The following CHCHD6 variants were observed in gnomAD, a reference collection of about 807,000 sequenced individuals.
CHCHD6 encodes coiled-coil-helix-coiled-coil-helix domain containing 6, also known as MICOS complex subunit MIC25.
A neutral mutation model predicts 32.3 loss-of-function variants in CHCHD6; 28 were observed. That is an observed-to-expected ratio of 0.87 (90% CI 0.64 to 1.19). CHCHD6 has a LOEUF of 1.19. Among genes scored for constraint, CHCHD6 ranks in the 50% most tolerant of loss-of-function variants. CHCHD6 has a pLI of 0.00. For missense variants in CHCHD6, 333 were observed against 307.0 expected, an observed-to-expected ratio of 1.08 and a Z score of -0.63; for synonymous variants, 122 against 117.5, an observed-to-expected ratio of 1.04 and a Z score of -0.25.
intron 4 of CHCHD6, among the ~76,000 whole-genome samples, chr3:126,850,879 G>C (rs1941450056): frequency 6.6e-6 from 1 of 152,186 alleles, no homozygotes; most frequent in African/African-American, 2.4e-5. Flanking sequence ...ACTTTGAAAA[G>C]CCCTGTGAGA....
intron 4 of CHCHD6, among the ~76,000 whole-genome samples, chr3:126,747,467 A>G (rs1342310680): frequency 6.6e-6 from 1 of 152,230 alleles, no homozygotes; most frequent in African/African-American, 2.4e-5. Flanking sequence ...TAAGCTCTCA[A>G]CAGAAATTAT....
chr3:126,907,488 T>C (rs2078023529), intron 5 of CHCHD6, among the ~76,000 whole-genome samples: 1 of 152,236 alleles, frequency 6.6e-6, no homozygotes, highest in Non-Finnish European at 1.5e-5. Context: ...TGTTCATTTT[T>C]CACTTATTTG....
intron 4 of CHCHD6, among the ~76,000 whole-genome samples, chr3:126,739,100 T>A (rs1936179351): frequency 6.6e-6 from 1 of 152,202 alleles, no homozygotes; most frequent in African/African-American, 2.4e-5. Context: ...TGTGGAGATC[T>A]GAAAATCCTG....
rs186476823 is a variant in CHCHD6 at position 126,716,656 on chromosome 3, A to G, written c.88-10422A>G. Among the ~76,000 whole-genome samples the G allele has an allele frequency of 2.8e-3, 430 of 152,250 alleles. 2 individuals are homozygous for G. The highest frequency in any genetic ancestry group is 8.7e-3 in the African/African-American group (363 of 41,538). On this transcript the variant is annotated intron_variant, in intron 1 of 7. Transcript: ENST00000290913. ...GTGTCTCCGGTGTGCTAAGCCCTGA[A>G]GATACAGCAGGAGCATCATGGAATC...
intron 6 of CHCHD6, among the ~76,000 whole-genome samples, chr3:126,956,430 G>A (rs2078784058): frequency 6.6e-6 from 1 of 152,202 alleles, no homozygotes; most frequent in Admixed American, 6.5e-5. Flanking sequence ...CAGCTGCATG[G>A]CCTTAATTCT....
intron 4 of CHCHD6, among the ~76,000 whole-genome samples, chr3:126,787,163 T>A (rs1274306627): frequency 6.6e-6 from 1 of 152,236 alleles, no homozygotes; most frequent in Non-Finnish European, 1.5e-5. Flanking sequence ...CTGAGGGCTC[T>A]GTTCTGTTCC....
At chr3:126,870,432 C>T (rs1410744551) in intron 5 of CHCHD6, among the ~76,000 whole-genome samples, 1 of 152,154 alleles carries the variant, frequency 6.6e-6, no homozygotes, top group African/African-American at 2.4e-5. Context: ...GGTTTTTTCC[C>T]CTTAACCGTT....
chr3:126,752,968 G>T lies in CHCHD6; in HGVS notation c.411+19746G>T, dbSNP rs148744292. Among the ~76,000 whole-genome samples the T allele has an allele frequency of 9.2e-5, 14 of 152,254 alleles. No homozygotes were observed. In the East Asian group the frequency reaches 2.7e-3, roughly 29 times the overall value. Reference sequence around the variant, plus strand: ...AAGTCACATTGTTTGTCATTGCCAGGTACCCGAGGTTAAGGCCAAATTAAG... The same window carrying T: ...AAGTCACATTGTTTGTCATTGCCAGTTACCCGAGGTTAAGGCCAAATTAAG... On this transcript the variant is annotated intron_variant, in intron 4 of 7. Coordinates refer to ENST00000290913, the MANE Select transcript of CHCHD6 (RefSeq NM_032343.3).
intron 4 of CHCHD6, among the ~76,000 whole-genome samples, chr3:126,849,738 C>T (rs1576491872): frequency 6.6e-6 from 1 of 152,238 alleles, no homozygotes; most frequent in African/African-American, 2.4e-5. Context: ...TCTGCACACA[C>T]ATTTGTGTCT....
chr3:126,806,530 T>A (rs937493711), intron 4 of CHCHD6, among the ~76,000 whole-genome samples: 71 of 152,200 alleles, frequency 4.7e-4, no homozygotes, highest in African/African-American at 1.3e-3. Context: ...ATGGCAATCA[T>A]TAAAAAGTCA....
At chr3:126,717,137 GC>G (rs751010297) in intron 1 of CHCHD6, among the ~76,000 whole-genome samples, 30 of 152,232 alleles carry the variant, frequency 2.0e-4, no homozygotes, top group Admixed American at 3.3e-4. Context: ...CATGGACTGG[GC>G]AAGTTCTTTA....
intron 4 of CHCHD6, 105 bp from the exon 5 acceptor site, chr3:126,852,542 G>A (rs1395576202): frequency 4.0e-5 from 30 of 757,494 alleles, no homozygotes; most frequent in Non-Finnish European, 5.7e-5. Flanking sequence ...TATTGCTACT[G>A]TTCTCATTGT....
chr3:126,822,482 G>A (rs573834763), intron 4 of CHCHD6, among the ~76,000 whole-genome samples: 15 of 152,234 alleles, frequency 9.9e-5, no homozygotes, highest in African/African-American at 3.6e-4. Context: ...TTTATAGTAA[G>A]GCTTGAAATC....
rs190369724 is a variant in CHCHD6, at chr3:126,858,691, G to A, written c.495+5961G>A. 5.0e-3 allele frequency among the ~76,000 whole-genome samples: 757 copies of A among 152,306 alleles called. 10 individuals carry two copies. Among genetic ancestry groups the A allele is most frequent in the Non-Finnish European group, 5.3e-3 (358 of 68,016 alleles). ...TTATGGAGAGACACAGCCAGAATGC[G>A]GCAGGCCCACTGTTAGCCCACATCT... On this transcript the variant is annotated intron_variant, in intron 5 of 7. Transcript: ENST00000290913.
At chr3:126,742,227 A>G (rs184846681) in intron 4 of CHCHD6, among the ~76,000 whole-genome samples, 2 of 152,192 alleles carry the variant, frequency 1.3e-5, no homozygotes, top group Non-Finnish European at 2.9e-5. Context: ...CAAAGCCTCA[A>G]TTCTTTGCAG....
intron 4 of CHCHD6, among the ~76,000 whole-genome samples, chr3:126,806,916 G>T (rs1939411913): frequency 6.6e-6 from 1 of 151,772 alleles, no homozygotes; most frequent in South Asian, 2.1e-4. Flanking sequence ...GATGAAACTG[G>T]AAATCATCAT....
At chr3:126,832,124 T>C (rs191045969) in intron 4 of CHCHD6, among the ~76,000 whole-genome samples, 11 of 152,244 alleles carry the variant, frequency 7.2e-5, no homozygotes, top group Non-Finnish European at 1.6e-4. Flanking sequence ...CCAGTATAGA[T>C]AGAGAAACTG....
At chr3:126,739,752 G>A (rs1185277994) in intron 4 of CHCHD6, among the ~76,000 whole-genome samples, 1 of 152,086 alleles carries the variant, frequency 6.6e-6, no homozygotes, top group African/African-American at 2.4e-5. Context: ...TTTCTCTGCT[G>A]AAATACCCCA....
In CHCHD6 at chr3:126,757,068, T is replaced by G. The variant is rs181548241; in HGVS notation, c.411+23846T>G. Among the ~76,000 whole-genome samples, 7 of 152,342 alleles carry G rather than the reference T, an allele frequency of 4.6e-5. No homozygotes were observed. The East Asian group carries it at 1.3e-3, about 29-fold the overall frequency. On this transcript the variant is annotated intron_variant, in intron 4 of 7. Coordinates refer to ENST00000290913, the MANE Select transcript of CHCHD6 (RefSeq NM_032343.3). Reference sequence around the variant, plus strand: ...GAACAACCACACGCGTATTTGTTTTTCTTGATAAAATCGCAGGTTGTGTAG... The same window carrying G: ...GAACAACCACACGCGTATTTGTTTTGCTTGATAAAATCGCAGGTTGTGTAG...
Sources: gnomAD v4.1 joint callset for allele counts (sites outside exome capture counted in the v4.1 genomes callset) on GRCh38, gnomAD v4.1.1 for gene constraint, MANE v1.5 for transcripts, NCBI Gene and HGNC (gene_info 2026-07-23, HGNC 2026-07-21) for gene names.